SDK1: variants seen among roughly 807,000 people sequenced by gnomAD.
SDK1 encodes protein sidekick-1.
A neutral mutation model predicts 245.5 loss-of-function variants in SDK1; 157 were observed. The ratio of observed to expected loss-of-function variants is 0.64; its 90% CI spans 0.56 to 0.73. SDK1 has a LOEUF of 0.73. Among genes scored for constraint, SDK1 ranks in the 30% least tolerant of loss-of-function variants. The probability of loss-of-function intolerance (pLI) is 0.00; values close to 1 mark genes in which losing one functional copy is unlikely to be tolerated. For missense variants in SDK1, 3,583 were observed against 3,002.3 expected, an observed-to-expected ratio of 1.19 and a Z score of -4.52; for synonymous variants, 1,647 against 1,278.5, an observed-to-expected ratio of 1.29 and a Z score of -6.15.
At chr7:3,436,777 C>T (rs1332075162) in intron 1 of SDK1, among the ~76,000 whole-genome samples, 3 of 152,022 alleles carry the variant, frequency 2.0e-5, no homozygotes, top group East Asian at 1.9e-4. Context: ...ACTGTCTTCC[C>T]CTTTCCCTGA....
At chr7:3,454,281 C>G (rs1780606763) in intron 1 of SDK1, among the ~76,000 whole-genome samples, 1 of 152,050 alleles carries the variant, frequency 6.6e-6, no homozygotes, top group Non-Finnish European at 1.5e-5. Flanking sequence ...AACTCACTTT[C>G]TAGAGTTTCA....
chr7:3,803,734 G>A (rs981324170), intron 4 of SDK1, among the ~76,000 whole-genome samples: 6 of 147,794 alleles, frequency 4.1e-5, no homozygotes, highest in Non-Finnish European at 8.9e-5. Flanking sequence ...GTTTGCAACT[G>A]GTATTTTCCT....
intron 22 of SDK1, among the ~76,000 whole-genome samples, chr7:4,092,366 C>G (rs10267523): frequency 0.068 from 10,346 of 152,240 alleles, 650 homozygotes; most frequent in African/African-American, 0.17. Context: ...AGCCACTTCT[C>G]TGAGAATGTC....
chr7:3,974,537 G>T lies in SDK1; in HGVS notation c.1986G>T (p.Leu662=), dbSNP rs1350868252. 3.1e-6 allele frequency: 5 copies of T among 1,613,978 alleles called. No homozygotes were observed. The African/African-American group carries it at 4.0e-5, about 13-fold the overall frequency. ...EGGNDSRMAR[L]EVIELPHSPQ... Reference sequence around the variant, plus strand: ...GGAATGACTCCAGGATGGCCCGGCTGGAAGTGATGTGAGTACTGAGACGTT... The same window carrying T: ...GGAATGACTCCAGGATGGCCCGGCTTGAAGTGATGTGAGTACTGAGACGTT... Residue 662 remains leucine (L), a synonymous_variant, in exon 13 of 45, where the codon CTG becomes CTT. Coordinates refer to ENST00000404826, the MANE Select transcript of SDK1 (RefSeq NM_152744.4).
At chr7:3,602,067 C>T (rs1781271144) in intron 1 of SDK1, among the ~76,000 whole-genome samples, 1 of 151,884 alleles carries the variant, frequency 6.6e-6, no homozygotes, top group Non-Finnish European at 1.5e-5. Flanking sequence ...TTTCTTAATC[C>T]AGTCTATCGT....
At chr7:3,774,041 T>C (rs914313798) in intron 4 of SDK1, among the ~76,000 whole-genome samples, 1 of 151,872 alleles carries the variant, frequency 6.6e-6, no homozygotes, top group Non-Finnish European at 1.5e-5. Context: ...GGTGAAACCC[T>C]GTCTCTACTA....
intron 4 of SDK1, among the ~76,000 whole-genome samples, chr7:3,806,395 C>CACATTAGGA (rs1483103123): frequency 2.0e-5 from 3 of 151,946 alleles, no homozygotes; most frequent in Non-Finnish European, 1.5e-5. Flanking sequence ...CGTGGATGTC[C>CACATTAGGA]TTGGGGGCCC....
At chr7:3,756,533 A>G (rs1779938548) in intron 4 of SDK1, among the ~76,000 whole-genome samples, 1 of 152,082 alleles carries the variant, frequency 6.6e-6, no homozygotes, top group Non-Finnish European at 1.5e-5. Context: ...CATGTGTGTC[A>G]ATAGCATCAC....
chr7:3,630,560 C>G (rs56704431), intron 2 of SDK1, among the ~76,000 whole-genome samples: 5 of 152,082 alleles, frequency 3.3e-5, no homozygotes, highest in Non-Finnish European at 7.4e-5. Flanking sequence ...CCCTTGAACC[C>G]AGGAGGCAGA....
At chr7:3,598,007 G>T (rs1001214601) in intron 1 of SDK1, among the ~76,000 whole-genome samples, 4 of 152,112 alleles carry the variant, frequency 2.6e-5, no homozygotes, top group Non-Finnish European at 4.4e-5. Context: ...ATGATAAATT[G>T]TAAAGCCTTT....
chr7:3,911,365 A>G (rs111571166), intron 5 of SDK1, among the ~76,000 whole-genome samples: 121 of 152,280 alleles, frequency 7.9e-4, no homozygotes, highest in African/African-American at 2.8e-3. Flanking sequence ...GTGGCTTGTC[A>G]GCAACAGAAA....
intron 1 of SDK1, among the ~76,000 whole-genome samples, chr7:3,398,092 C>A (rs936056034): frequency 6.6e-6 from 1 of 151,998 alleles, no homozygotes. Flanking sequence ...TTTTCTATAA[C>A]TGTAGGTTTA....
intron 43 of SDK1, among the ~76,000 whole-genome samples, chr7:4,242,909 C>T (rs1786618744): frequency 6.6e-6 from 1 of 152,218 alleles, no homozygotes; most frequent in Non-Finnish European, 1.5e-5. Context: ...CTTCTCCCAG[C>T]CACTGACGCT....
At chr7:3,588,076 C>T (rs1780748357) in intron 1 of SDK1, among the ~76,000 whole-genome samples, 1 of 152,190 alleles carries the variant, frequency 6.6e-6, no homozygotes, top group Non-Finnish European at 1.5e-5. Flanking sequence ...AATCCTAGGT[C>T]AATCTTTGGT....
intron 19 of SDK1, among the ~76,000 whole-genome samples, chr7:4,067,619 C>G (rs1225561013): frequency 6.6e-6 from 1 of 152,152 alleles, no homozygotes; most frequent in African/African-American, 2.4e-5. Flanking sequence ...GCTCCAGTGC[C>G]CTGTGTGGCT....
rs551537640 is a variant in SDK1, at chr7:3,594,303, A to T, written c.299-24777A>T. On this transcript the variant is annotated intron_variant, in intron 1 of 44. Coordinates refer to ENST00000404826, the MANE Select transcript of SDK1 (RefSeq NM_152744.4). ...CAACACCCAAATTCCTTTTTATTGC[A>T]GATTAATAAAGTGTGTGGATATACC... is the stretch of plus-strand genomic sequence containing the variant. 1.4e-3 allele frequency among the ~76,000 whole-genome samples: 217 copies of T among 152,296 alleles called. 1 individual carries two copies. The highest frequency in any genetic ancestry group is 4.9e-3 in the African/African-American group (205 of 41,562).
At position 4,174,319 on chromosome 7, in the gene SDK1, C is replaced by T. The variant is rs140602039; in HGVS notation, c.4898C>T (p.Thr1633Met). Reference sequence around the variant, plus strand: ...GCCGGGTCAGGCACTGAGGCCAAGACGCTCAAAAACCCTATAGCTTTACAT... The same window carrying T: ...GCCGGGTCAGGCACTGAGGCCAAGATGCTCAAAAACCCTATAGCTTTACAT... ...YEAGSGTEAK[T>M]LKNPIALHAE... The change falls in exon 33 of 45, where the codon ACG becomes ATG. Residue 1633 changes from threonine (T) to methionine (M), a missense_variant. By Grantham distance (81) the Thr-to-Met change is moderately conservative. Transcript: ENST00000404826. The T allele has an allele frequency of 8.2e-5, 132 of 1,613,748 alleles. No individual in the cohort carries two copies. The highest frequency in any genetic ancestry group is 2.4e-4 in the South Asian group (22 of 91,086).
At chr7:4,051,165 A>C in intron 18 of SDK1, among the ~76,000 whole-genome samples, 1 of 140,358 alleles carries the variant, frequency 7.1e-6, no homozygotes, top group Admixed American at 7.5e-5. Flanking sequence ...CATATAGTAT[A>C]TATGTATATA....
intron 4 of SDK1, among the ~76,000 whole-genome samples, chr7:3,723,860 A>G (rs1778912269): frequency 7.4e-6 from 1 of 135,612 alleles, no homozygotes; most frequent in Non-Finnish European, 1.6e-5. Context: ...ATATACATAT[A>G]CACGTGTATA....
Sources: allele counts gnomAD v4.1 joint callset (sites outside exome capture counted in the v4.1 genomes callset), GRCh38; gene constraint gnomAD v4.1.1; transcripts MANE v1.5; gene names NCBI Gene and HGNC (gene_info 2026-07-23, HGNC 2026-07-21).